The following SMAD2 variants were observed in gnomAD, a reference collection of about 807,000 sequenced individuals.
SMAD2 encodes the protein SMAD family member 2.
A neutral mutation model predicts 64.4 loss-of-function variants in SMAD2; 8 were observed. The observed-to-expected ratio is 0.12, with a 90% CI of 0.07 to 0.22. The LOEUF (loss-of-function observed/expected upper bound fraction) is 0.22. Among genes scored for constraint, SMAD2 ranks in the 10% least tolerant of loss-of-function variants. The pLI, the probability that SMAD2 is intolerant of heterozygous loss-of-function variation, is 1.00. For missense variants in SMAD2, 289 were observed against 561.2 expected, an observed-to-expected ratio of 0.51 and a Z score of 4.90; for synonymous variants, 203 against 195.8, an observed-to-expected ratio of 1.04 and a Z score of -0.31.
chr18:47,837,482 A>C lies in SMAD2; in HGVS notation c.*4345T>G, dbSNP rs1255199247. 4.7e-6 allele frequency: 1 copy of C among 212,622 alleles called. No individual in the cohort carries two copies. The highest frequency in any genetic ancestry group is 9.4e-6 in the Non-Finnish European group (1 of 105,900). 13.2% of individuals were successfully genotyped at this position (212,622 alleles called of 1,614,324 possible). A position where few individuals can be genotyped will look rare whatever the true frequency, so the allele number is the denominator to read the frequency against. ...GAGGCTGAGGCAGAAGCATGGCGTG[A>C]ACCCGGGAGGCGGAGCTTGCAGTGA... is the stretch of plus-strand genomic sequence containing the variant. On this transcript the variant is annotated 3_prime_UTR_variant, in exon 11 of 11. Coordinates refer to ENST00000262160, the MANE Select transcript of SMAD2 (RefSeq NM_005901.6).
At chr18:47,910,726 TTC>T (rs1422611346) in intron 1 of SMAD2, among the ~76,000 whole-genome samples, 1 of 152,176 alleles carries the variant, frequency 6.6e-6, no homozygotes, top group Non-Finnish European at 1.5e-5. Context: ...CCTTATGATT[TTC>T]TTAGTAGGTT....
At chr18:47,847,741 C>T (rs1160434859) in intron 8 of SMAD2, among the ~76,000 whole-genome samples, 4 of 139,494 alleles carry the variant, frequency 2.9e-5, no homozygotes, top group African/African-American at 8.2e-5. Flanking sequence ...AACATTTCAA[C>T]ATTCATGTCT....
In SMAD2 at chr18:47,820,501, A is replaced by AG. The variant is rs1318561591; in HGVS notation, c.*21325dup. On this transcript the variant is annotated 3_prime_UTR_variant, in exon 11 of 11. Coordinates refer to ENST00000262160, the MANE Select transcript of SMAD2 (RefSeq NM_005901.6). Reference sequence around the variant, plus strand: ...ACAAGACAGAAAGGAACCACTAAGTAGGAGGAGGAGAGAAATATGAAGGAA... The same window carrying AG: ...ACAAGACAGAAAGGAACCACTAAGTAGGGAGGAGGAGAGAAATATGAAGGAA... 6.6e-6 allele frequency: 1 copy of AG among 152,200 alleles called. No individual in the cohort carries two copies. Among genetic ancestry groups the AG allele is most frequent in the Non-Finnish European group, 1.5e-5 (1 of 68,024 alleles). 9.4% of individuals were successfully genotyped at this position (152,200 alleles called of 1,614,324 possible).
chr18:47,908,459 C>T (rs753322762), intron 1 of SMAD2, among the ~76,000 whole-genome samples: 3 of 151,516 alleles, frequency 2.0e-5, no homozygotes, highest in Non-Finnish European at 2.9e-5. Context: ...ACCAGGTAGC[C>T]TAGAAACACT....
At position 47,839,594 on chromosome 18, in the gene SMAD2, A is replaced by G. The variant is rs924574541; in HGVS notation, c.*2233T>C. 8.6e-6 allele frequency: 2 copies of G among 233,180 alleles called. No homozygotes were observed. Among genetic ancestry groups the G allele is most frequent in the African/African-American group, 4.4e-5 (2 of 45,342 alleles). The allele number at this position is 233,180 out of a possible 1,614,324, so 14.4% of individuals were successfully genotyped here. A position where few individuals can be genotyped will look rare whatever the true frequency, so the allele number is the denominator to read the frequency against. ...TGGTGCAAATGAAATTTTTACAGCA[A>G]AGGTTGAGGAAGGAGATATGTTAGT... On this transcript the variant is annotated 3_prime_UTR_variant, in exon 11 of 11. Transcript: ENST00000262160.
intron 5 of SMAD2, 40 bp downstream of exon 5, chr18:47,868,283 T>C (rs1459256681): frequency 5.3e-5 from 83 of 1,562,604 alleles, no homozygotes; most frequent in Non-Finnish European, 7.2e-5. Context: ...ACAAAATTTG[T>C]ATCTATCCAA....
intron 1 of SMAD2, among the ~76,000 whole-genome samples, chr18:47,907,581 C>A (rs1426578300): frequency 7.2e-5 from 11 of 152,338 alleles, no homozygotes; most frequent in Non-Finnish European, 2.9e-5. Flanking sequence ...TATTCCCTCG[C>A]TCCTGTAAAT....
rs1247778642 is a variant in SMAD2 at position 47,838,620 on chromosome 18, C to T, written c.*3207G>A. Reference sequence around the variant, plus strand: ...AATCAGCGGTATTCCAGAAGGTAGGCCTAAATCCAGTTATATTTTTCTAAT... The same window carrying T: ...AATCAGCGGTATTCCAGAAGGTAGGTCTAAATCCAGTTATATTTTTCTAAT... On this transcript the variant is annotated 3_prime_UTR_variant, in exon 11 of 11. Coordinates refer to ENST00000262160, the MANE Select transcript of SMAD2 (RefSeq NM_005901.6). The T allele has an allele frequency of 8.6e-6, 2 of 232,842 alleles. No homozygotes were observed. Among genetic ancestry groups the T allele is most frequent in the African/African-American group, 4.4e-5 (2 of 45,298 alleles). 14.4% of individuals were successfully genotyped at this position (232,842 alleles called of 1,614,324 possible).
intron 1 of SMAD2, chr18:47,922,465 T>C (rs2034600208): frequency 6.6e-6 from 1 of 152,232 alleles, no homozygotes; most frequent in South Asian, 2.1e-4. Flanking sequence ...GAATAACAAC[T>C]ATTTACATTG....
rs1474304521 is a variant in SMAD2, at chr18:47,836,054, C to T, written c.*5773G>A. ...TCATTATGGATCTCATGGCACCAAACCAACTGGCACTGAAGTTAAGTTAAT... is the reference window on the plus strand; with the variant it reads ...TCATTATGGATCTCATGGCACCAAATCAACTGGCACTGAAGTTAAGTTAAT... On this transcript the variant is annotated 3_prime_UTR_variant, in exon 11 of 11. Coordinates refer to ENST00000262160, the MANE Select transcript of SMAD2 (RefSeq NM_005901.6). The T allele has an allele frequency of 4.7e-6, 1 of 214,648 alleles. No individual in the cohort carries two copies. Among genetic ancestry groups the T allele is most frequent in the Non-Finnish European group, 9.4e-6 (1 of 106,344 alleles). The allele number at this position is 214,648 out of a possible 1,614,324, so 13.3% of individuals were successfully genotyped here. A position where few individuals can be genotyped will look rare whatever the true frequency, so the allele number is the denominator to read the frequency against.
chr18:47,928,683 G>GT, intron 1 of SMAD2, among the ~76,000 whole-genome samples: 1 of 152,284 alleles, frequency 6.6e-6, no homozygotes, highest in Admixed American at 6.5e-5. Flanking sequence ...CTAAGTAAAC[G>GT]TAGGTTACAA....
Position 47,930,483 on chromosome 18 carries a change from G to A in SMAD2, c.-176C>T, listed in dbSNP as rs1050840476. ...AGAGGGGAATGGGCGATTGGAGGCG[G>A]AACTGAAAACACTCCCGGCCGCCGT... On this transcript the variant is annotated 5_prime_UTR_variant, in exon 1 of 11. Coordinates refer to ENST00000262160, the MANE Select transcript of SMAD2 (RefSeq NM_005901.6). The A allele has an allele frequency of 6.6e-6, 1 of 151,580 alleles. No homozygotes were observed. The highest frequency in any genetic ancestry group is 1.5e-5 in the Non-Finnish European group (1 of 67,864). The allele number at this position is 151,580 out of a possible 1,614,324, so 9.4% of individuals were successfully genotyped here.
chr18:47,919,511 CACACACACAA>C (rs1195254663), intron 1 of SMAD2, among the ~76,000 whole-genome samples: 31 of 87,444 alleles, frequency 3.5e-4, no homozygotes, highest in South Asian at 1.9e-3. Flanking sequence ...CACACACACA[CACACACACAA>C]AGAATAGGAG....
chr18:47,922,474 T>A (rs951162314), intron 1 of SMAD2: 1 of 152,216 alleles, frequency 6.6e-6, no homozygotes, highest in Non-Finnish European at 1.5e-5. Flanking sequence ...CTATTTACAT[T>A]GTATTAGATA....
In SMAD2 at chr18:47,845,666, G is replaced by A. The variant is rs1228636317; in HGVS notation, c.1132C>T (p.Pro378Ser). 6.2e-7 allele frequency: 1 copy of A among 1,613,860 alleles called. No individual in the cohort carries two copies. The highest frequency in any genetic ancestry group is 1.1e-5 in the South Asian group (1 of 91,080). ...WHPATVCKIPPGCNLKIFNNQ... is the reference protein window; with the variant it reads ...WHPATVCKIPSGCNLKIFNNQ... ...ATGTACATTATTGAATCCATACCTG[G>A]TGGAATTTTACACACTGTTGCAGGG... Residue 378 changes from proline (P) to serine (S), a missense_variant, in exon 9 of 11, where the codon CCA becomes TCA. Around this residue, in one of 6 missense-constraint regions of SMAD2, gnomAD observed 49 missense variants for 101.1 expected, o/e 0.48. Transcript: ENST00000262160.
At position 47,856,448 on chromosome 18, in the gene SMAD2, T is replaced by C. The variant is rs550706863; in HGVS notation, c.731-5121A>G. Among the ~76,000 whole-genome samples the C allele has an allele frequency of 4.6e-5, 7 of 152,294 alleles. No individual in the cohort carries two copies. In the South Asian group the frequency reaches 1.5e-3, roughly 32 times the overall value. ...TATCATGTTATATACCTTAAACATA[T>C]ACAATAAAAATGTATGCTTTAAAAA... On this transcript the variant is annotated intron_variant, in intron 6 of 10. Coordinates refer to ENST00000262160, the MANE Select transcript of SMAD2 (RefSeq NM_005901.6).
At chr18:47,928,223 C>A (rs1372363650) in intron 1 of SMAD2, among the ~76,000 whole-genome samples, 1 of 152,180 alleles carries the variant, frequency 6.6e-6, no homozygotes, top group Non-Finnish European at 1.5e-5. Flanking sequence ...TGCTACAAAA[C>A]GAGGTTTTTG....
intron 1 of SMAD2, among the ~76,000 whole-genome samples, chr18:47,919,466 AAATACAC>A (rs1434495322): frequency 8.8e-6 from 1 of 113,408 alleles, no homozygotes; most frequent in African/African-American, 3.5e-5. Flanking sequence ...TCAAAAAAAA[AAATACAC>A]ACACACACAC....
intron 6 of SMAD2, among the ~76,000 whole-genome samples, chr18:47,856,349 C>T (rs928524545): frequency 2.0e-5 from 3 of 152,130 alleles, no homozygotes; most frequent in Non-Finnish European, 4.4e-5. Flanking sequence ...GCTCTTATCA[C>T]ACACATAAAA....
Sources: allele counts gnomAD v4.1 joint callset (sites outside exome capture counted in the v4.1 genomes callset), GRCh38; gene constraint gnomAD v4.1.1; regional missense constraint gnomAD v4.1.1; transcripts MANE v1.5; gene names NCBI Gene and HGNC (gene_info 2026-07-23, HGNC 2026-07-21).